GDA: variants seen among roughly 807,000 people sequenced by gnomAD.
GDA encodes the protein guanine deaminase.
A neutral mutation model predicts 59.6 loss-of-function variants in GDA; 18 were observed. That is an observed-to-expected ratio of 0.30 (90% CI 0.21 to 0.45). The LOEUF (loss-of-function observed/expected upper bound fraction) is 0.45. Among genes scored for constraint, GDA ranks in the 20% least tolerant of loss-of-function variants. GDA has a pLI of 1.00. For missense variants in GDA, 427 were observed against 552.3 expected, an observed-to-expected ratio of 0.77 and a Z score of 2.27; for synonymous variants, 201 against 201.1, an observed-to-expected ratio of 1.00 and a Z score of 0.00.
At chr9:72,218,793 G>A (rs979517708) in intron 5 of GDA, among the ~76,000 whole-genome samples, 17 of 152,204 alleles carry the variant, frequency 1.1e-4, no homozygotes, top group African/African-American at 4.1e-4. Flanking sequence ...GCTTCTAAAA[G>A]CCTCCAAGTG....
intron 1 of GDA, among the ~76,000 whole-genome samples, chr9:72,186,274 T>C (rs1831850146): frequency 6.6e-6 from 1 of 152,220 alleles, no homozygotes; most frequent in South Asian, 2.1e-4. Context: ...ACCTCTGATC[T>C]GATCTTCTAT....
Position 72,229,131 on chromosome 9 carries a change from C to G in GDA, c.920+1091C>G, listed in dbSNP as rs544259406. ...TGGGCGGATCACGAGGTCAGGAGAT[C>G]GAGACCATCCCGGCTAACACGGTGA... On this transcript the variant is annotated intron_variant, in intron 9 of 13. Coordinates refer to ENST00000358399, the MANE Select transcript of GDA (RefSeq NM_004293.5). The G allele has an allele frequency of 2.0e-3, 261 of 128,438 alleles. 1 individual carries two copies. The highest frequency in any genetic ancestry group is 3.2e-3 in the Non-Finnish European group (208 of 65,866). The allele number at this position is 128,438 out of a possible 1,614,324, so 8.0% of individuals were successfully genotyped here.
chr9:72,194,503 C>T (rs910755890), intron 1 of GDA, among the ~76,000 whole-genome samples: 1 of 152,092 alleles, frequency 6.6e-6, no homozygotes, highest in Admixed American at 6.5e-5. Flanking sequence ...AAAGTCCTCC[C>T]CACCCTTCCC....
intron 11 of GDA, among the ~76,000 whole-genome samples, chr9:72,242,598 A>G (rs1385811790): frequency 6.6e-6 from 1 of 152,206 alleles, no homozygotes; most frequent in Non-Finnish European, 1.5e-5. Flanking sequence ...AACTTCTCAG[A>G]TGTTCTCTGA....
At chr9:72,223,720 A>G (rs2131585631) in intron 7 of GDA, among the ~76,000 whole-genome samples, 1 of 152,370 alleles carries the variant, frequency 6.6e-6, no homozygotes, top group Non-Finnish European at 1.5e-5. Context: ...TAAAATCAGA[A>G]CAAAAAAGTA....
intron 5 of GDA, among the ~76,000 whole-genome samples, chr9:72,215,735 A>G (rs775580098): frequency 2.6e-5 from 4 of 152,202 alleles, no homozygotes; most frequent in Non-Finnish European, 5.9e-5. Context: ...GCTGCTGGAC[A>G]TTGAGCTGGA....
downstream of GDA, among the ~76,000 whole-genome samples, chr9:72,254,439 A>G (rs1840841544): frequency 6.6e-6 from 1 of 150,624 alleles, no homozygotes; most frequent in African/African-American, 2.4e-5. Flanking sequence ...CTCCAGTACA[A>G]AATGCAATTA....
At chr9:72,195,444 A>G (rs1446825228) in intron 1 of GDA, 56 bp from the exon 2 acceptor site, 1 of 687,650 alleles carries the variant, frequency 1.5e-6, no homozygotes, top group African/African-American at 1.8e-5. Context: ...AATAAAAAAC[A>G]AATGACTGTG....
chr9:72,213,681 T>C (rs1483256167), intron 4 of GDA, among the ~76,000 whole-genome samples: 1 of 151,574 alleles, frequency 6.6e-6, no homozygotes, highest in African/African-American at 2.4e-5. Flanking sequence ...CGGGCGCCTG[T>C]AGTCCCAGCT....
intron 7 of GDA, among the ~76,000 whole-genome samples, chr9:72,223,464 G>T (rs2131583865): frequency 6.6e-6 from 1 of 152,252 alleles, no homozygotes; most frequent in South Asian, 2.1e-4. Flanking sequence ...AATGTTTTCT[G>T]ATCAGTCTTC....
Position 72,202,752 on chromosome 9 carries a change from T to C in GDA, c.384+10T>C, listed in dbSNP as rs747963673. 6.3e-7 allele frequency: 1 copy of C among 1,596,676 alleles called. No individual in the cohort carries two copies. The highest frequency in any genetic ancestry group is 8.6e-7 in the Non-Finnish European group (1 of 1,166,718). Reference sequence around the variant, plus strand: ...ATATACCAGAGTTGTCGTAAGTATCTTGTGTGTGAGTGTGGTATTCTGTTT... The same window carrying C: ...ATATACCAGAGTTGTCGTAAGTATCCTGTGTGTGAGTGTGGTATTCTGTTT... On this transcript the variant is annotated intron_variant, in intron 3 of 13. Coordinates refer to ENST00000358399, the MANE Select transcript of GDA (RefSeq NM_004293.5).
At chr9:72,219,546 T>G (rs373080966) in intron 6 of GDA, 40 bp downstream of exon 6, 2 of 1,472,134 alleles carry the variant, frequency 1.4e-6, no homozygotes, top group Admixed American at 1.8e-5. Flanking sequence ...AGATTGCCTT[T>G]GCATTAGCTG....
At chr9:72,134,711 G>T (rs1256631095) in intron 1 of GDA, among the ~76,000 whole-genome samples, 1 of 152,034 alleles carries the variant, frequency 6.6e-6, no homozygotes, top group African/African-American at 2.4e-5. Context: ...GCCGGCACTT[G>T]TTTTTTATGG....
intron 12 of GDA, among the ~76,000 whole-genome samples, chr9:72,246,707 T>C (rs976423699): frequency 6.6e-6 from 1 of 150,464 alleles, no homozygotes; most frequent in Non-Finnish European, 1.5e-5. Context: ...GATGGTCTTA[T>C]GACCTGCATT....
intron 1 of GDA, among the ~76,000 whole-genome samples, chr9:72,150,006 G>A (rs546345874): frequency 2.6e-5 from 4 of 151,176 alleles, no homozygotes; most frequent in African/African-American, 4.9e-5. Context: ...CTAAGATACC[G>A]GCAATAATCT....
intron 1 of GDA, among the ~76,000 whole-genome samples, chr9:72,183,982 C>G (rs1485157946): frequency 1.3e-5 from 2 of 152,212 alleles, no homozygotes; most frequent in African/African-American, 4.8e-5. Context: ...CCTTATACCA[C>G]TTTGCAACAT....
intron 10 of GDA, among the ~76,000 whole-genome samples, chr9:72,236,961 G>T (rs979838572): frequency 3.3e-5 from 5 of 151,932 alleles, no homozygotes; most frequent in Admixed American, 2.0e-4. Context: ...TGTATTTTTA[G>T]TAGAGACAGG....
chr9:72,168,354 C>T (rs1468992721), intron 1 of GDA, among the ~76,000 whole-genome samples: 2 of 150,004 alleles, frequency 1.3e-5, no homozygotes, highest in African/African-American at 4.9e-5. Context: ...GATTGCACCA[C>T]TGCACTCCAA....
At chr9:72,121,522 A>G (rs1208190018) in intron 1 of GDA, among the ~76,000 whole-genome samples, 4 of 152,136 alleles carry the variant, frequency 2.6e-5, no homozygotes, top group Admixed American at 1.3e-4. Context: ...ACTTGAACCC[A>G]GGAGGCGGAG....
Sources: gnomAD v4.1 joint callset for allele counts (sites outside exome capture counted in the v4.1 genomes callset) on GRCh38, gnomAD v4.1.1 for gene constraint, MANE v1.5 for transcripts, NCBI Gene and HGNC (gene_info 2026-07-23, HGNC 2026-07-21) for gene names.